FAM210A: variants seen among roughly 807,000 people sequenced by gnomAD.
FAM210A encodes family with sequence similarity 210 member A.
A neutral mutation model predicts 25.3 loss-of-function variants in FAM210A; 13 were observed. The observed-to-expected ratio is 0.51, with a 90% CI of 0.33 to 0.82. The LOEUF is 0.82. Ranked by LOEUF, FAM210A falls within the 40% of genes least tolerant of loss-of-function variation. The pLI, the probability that FAM210A is intolerant of heterozygous loss-of-function variation, is 0.02. For missense variants in FAM210A, 319 were observed against 323.2 expected (o/e 0.99, Z 0.10); for synonymous variants, 125 against 118.7 (o/e 1.05, Z -0.35).
chr18:13,697,177 T>C (rs931789312), intron 1 of FAM210A, among the ~76,000 whole-genome samples: 6 of 152,162 alleles, frequency 3.9e-5, no homozygotes, highest in African/African-American at 1.4e-4. Context: ...TATGCATTTC[T>C]CAGACCACAT....
rs1281430667 is a variant in FAM210A at position 13,681,640 on chromosome 18, A to C, written c.438T>G (p.Gly146=). ...CATAATAAAATGTTCCAAACCAAAC[A>C]CCAGAAGTTATTAGATGCACTGGAA... ...VLIPVHLITS[G]VWFGTFYYAA... is the part of the protein sequence containing the mutation. The change falls in exon 2 of 4, where the codon GGT becomes GGG. Residue 146 remains glycine, a synonymous_variant. Transcript: ENST00000651643. 1 of 1,611,588 alleles carries C rather than the reference A, an allele frequency of 6.2e-7. No homozygotes were observed. The highest frequency in any genetic ancestry group is 1.1e-5 in the South Asian group (1 of 90,368).
rs191875269 is a variant in FAM210A, at chr18:13,685,652, G to A, written c.-28-3547C>T. ...TTGAATTGTCCTGCTTTTCTAGGTG[G>A]AACCAATGTCTGTGTATACCCTACA... On this transcript the variant is annotated intron_variant, in intron 1 of 3. Coordinates refer to ENST00000651643, the MANE Select transcript of FAM210A (RefSeq NM_152352.4). 8.5e-5 allele frequency among the ~76,000 whole-genome samples: 13 copies of A among 152,158 alleles called. 1 individual carries two copies. Among genetic ancestry groups the A allele is most frequent in the Admixed American group, 8.5e-4 (13 of 15,290 alleles).
intron 1 of FAM210A, among the ~76,000 whole-genome samples, chr18:13,725,463 C>T (rs903706083): frequency 6.6e-6 from 1 of 152,184 alleles, no homozygotes; most frequent in Middle Eastern, 3.2e-3. Context: ...TCCCCAAAGC[C>T]AGGTCTATTC....
In FAM210A at chr18:13,671,988, AAG is replaced by A. The variant is rs760824240; in HGVS notation, c.474-17_474-16del. 3.9e-6 allele frequency: 6 copies of A among 1,547,970 alleles called. No individual in the cohort carries two copies. Among genetic ancestry groups the A allele is most frequent in the Non-Finnish European group, 5.3e-6 (6 of 1,127,810 alleles). ...CATTCACTCCTCTACAAAAAAAAAA[AAG>A]TAATTTTCATATGTACAAACTTTTA... is the stretch of plus-strand genomic sequence containing the variant. On this transcript the variant is annotated splice_polypyrimidine_tract_variant and intron_variant, in intron 2 of 3. Transcript: ENST00000651643.
intron 1 of FAM210A, among the ~76,000 whole-genome samples, chr18:13,715,845 C>A (rs1007905454): frequency 2.6e-5 from 4 of 152,208 alleles, no homozygotes; most frequent in African/African-American, 9.6e-5. Flanking sequence ...TAATCCCCAA[C>A]ATAAGATGAA....
intron 1 of FAM210A, among the ~76,000 whole-genome samples, chr18:13,685,826 C>T (rs538894420): frequency 6.6e-6 from 1 of 152,270 alleles, no homozygotes; most frequent in African/African-American, 2.4e-5. Flanking sequence ...AAACATTTCA[C>T]AGAGTTTGAC....
chr18:13,666,375 A>G lies in FAM210A; in HGVS notation c.*105T>C, dbSNP rs1278156631. 13 of 793,066 alleles carry G rather than the reference A, an allele frequency of 1.6e-5. No individual in the cohort carries two copies. Among genetic ancestry groups the G allele is most frequent in the Non-Finnish European group, 2.0e-5 (10 of 493,348 alleles). 49.1% of individuals were successfully genotyped at this position (793,066 alleles called of 1,614,324 possible). A position where few individuals can be genotyped will look rare whatever the true frequency, so the allele number is the denominator to read the frequency against. On this transcript the variant is annotated 3_prime_UTR_variant, in exon 4 of 4. Transcript: ENST00000651643. The stretch of plus-strand genomic sequence containing the variant: ...CTTCTTTAACCCTCAGAGAACTAGT[A>G]TATTTCGGCAACTAACCAAAAAAAT...
At chr18:13,708,401 C>T (rs2149067736) in intron 1 of FAM210A, among the ~76,000 whole-genome samples, 1 of 152,324 alleles carries the variant, frequency 6.6e-6, no homozygotes, top group Non-Finnish European at 1.5e-5. Context: ...AGAGACTAAT[C>T]TCCAGCCCTA....
At chr18:13,695,549 T>C (rs539879239) in intron 1 of FAM210A, among the ~76,000 whole-genome samples, 1 of 152,216 alleles carries the variant, frequency 6.6e-6, no homozygotes, top group Non-Finnish European at 1.5e-5. Context: ...AAAGGATGAG[T>C]TAACGTCCTT....
intron 1 of FAM210A, among the ~76,000 whole-genome samples, chr18:13,690,087 A>C (rs1236936916): frequency 6.6e-6 from 1 of 152,226 alleles, no homozygotes; most frequent in Non-Finnish European, 1.5e-5. Context: ...CGGCCTTAGC[A>C]AACAGCACAC....
In FAM210A at chr18:13,666,455, T is replaced by C; in HGVS notation, c.*25A>G. On this transcript the variant is annotated 3_prime_UTR_variant, in exon 4 of 4. Transcript: ENST00000651643. ...TTCCAAAGGGTTAAAGTGCAGGAAT[T>C]TTCTATACTGCTATATAAGGCACCT... 6.3e-7 allele frequency: 1 copy of C among 1,582,066 alleles called. No individual in the cohort carries two copies. The highest frequency in any genetic ancestry group is 1.1e-5 in the South Asian group (1 of 89,350).
At chr18:13,688,071 A>G (rs1379513727) in intron 1 of FAM210A, among the ~76,000 whole-genome samples, 1 of 152,174 alleles carries the variant, frequency 6.6e-6, no homozygotes, top group Non-Finnish European at 1.5e-5. Context: ...GTCGATTACT[A>G]GCTTATCTTC....
chr18:13,709,822 G>A (rs2043807962), intron 1 of FAM210A, among the ~76,000 whole-genome samples: 1 of 152,118 alleles, frequency 6.6e-6, no homozygotes, highest in African/African-American at 2.4e-5. Context: ...GTGAACCCAA[G>A]TTATTGACCC....
intron 1 of FAM210A, among the ~76,000 whole-genome samples, chr18:13,725,220 G>T (rs2043929961): frequency 6.6e-6 from 1 of 152,160 alleles, no homozygotes; most frequent in Non-Finnish European, 1.5e-5. Flanking sequence ...TAATGCATTC[G>T]ATCTGTAAGA....
chr18:13,683,306 C>G (rs2043570754), intron 1 of FAM210A, among the ~76,000 whole-genome samples: 1 of 152,038 alleles, frequency 6.6e-6, no homozygotes, highest in African/African-American at 2.4e-5. Flanking sequence ...AGAAGAATTG[C>G]CTGGTATTTA....
chr18:13,695,719 G>C (rs1035062512), intron 1 of FAM210A, among the ~76,000 whole-genome samples: 3 of 149,334 alleles, frequency 2.0e-5, no homozygotes, highest in Non-Finnish European at 3.0e-5. Flanking sequence ...TGCGGTGGGT[G>C]GGGGGAGGGG....
intron 2 of FAM210A, among the ~76,000 whole-genome samples, chr18:13,672,655 G>A (rs775135791): frequency 6.6e-6 from 1 of 152,096 alleles, no homozygotes; most frequent in Admixed American, 6.5e-5. Flanking sequence ...TGATCTGCCC[G>A]CCGCAGCCTT....
At chr18:13,683,378 A>G (rs2043571332) in intron 1 of FAM210A, among the ~76,000 whole-genome samples, 1 of 152,118 alleles carries the variant, frequency 6.6e-6, no homozygotes, top group Non-Finnish European at 1.5e-5. Flanking sequence ...ATGTCTCACT[A>G]TTTGATCTGG....
At chr18:13,672,021 A>T in intron 2 of FAM210A, 48 bp from the exon 3 acceptor site, 1 of 1,323,206 alleles carries the variant, frequency 7.6e-7, no homozygotes. Context: ...TTTTAATGAT[A>T]TTTTCAAAAA....
Sources: gnomAD v4.1 joint callset for allele counts (sites outside exome capture counted in the v4.1 genomes callset) on GRCh38, gnomAD v4.1.1 for gene constraint, MANE v1.5 for transcripts, NCBI Gene and HGNC (gene_info 2026-07-23, HGNC 2026-07-21) for gene names.